Variants in CDH13 observed in about 807,000 individuals in gnomAD.
The protein encoded by CDH13 is cadherin 13.
A neutral mutation model predicts 63.8 loss-of-function variants in CDH13; 24 were observed. The observed-to-expected ratio is 0.38, with a 90% CI of 0.27 to 0.53. The LOEUF is 0.53. CDH13 is among the 20% of genes least tolerant of loss of function. The pLI is 0.85. For missense variants in CDH13, 1,049 were observed against 903.1 expected (o/e 1.16, Z -2.07); for synonymous variants, 503 against 355.3 (o/e 1.42, Z -4.67).
At chr16:83,667,956 C>A (rs915354839) in intron 8 of CDH13, among the ~76,000 whole-genome samples, 1 of 152,166 alleles carries the variant, frequency 6.6e-6, no homozygotes, top group South Asian at 2.1e-4. Flanking sequence ...GAATACCATG[C>A]CCAGCCCCCA....
intron 3 of CDH13, among the ~76,000 whole-genome samples, chr16:83,115,256 G>A (rs923277238): frequency 1.3e-4 from 20 of 152,182 alleles, no homozygotes; most frequent in African/African-American, 4.8e-4. Flanking sequence ...TTAACTTCAG[G>A]AAAACAGCCA....
At chr16:82,946,470 A>C (rs2072114300) in intron 2 of CDH13, among the ~76,000 whole-genome samples, 1 of 152,218 alleles carries the variant, frequency 6.6e-6, no homozygotes, top group Non-Finnish European at 1.5e-5. Flanking sequence ...CTGTAATCCC[A>C]GCACTTTGTG....
At chr16:83,259,978 T>G (rs1319289816) in intron 5 of CDH13, among the ~76,000 whole-genome samples, 1 of 152,076 alleles carries the variant, frequency 6.6e-6, no homozygotes, top group Non-Finnish European at 1.5e-5. Flanking sequence ...CAAAAATGCT[T>G]CTTACGTGGC....
At position 82,807,087 on chromosome 16, in the gene CDH13, CCT is replaced by C. The variant is rs1491547970; in HGVS notation, c.46-51274_46-51273del. ...ATAAGCTTTTGCAGTTGGGATCATGCCTTTTTTTTTTTTTTTCTTAAGAAAAA... is the reference window on the plus strand; with the variant it reads ...ATAAGCTTTTGCAGTTGGGATCATGCTTTTTTTTTTTTTTCTTAAGAAAAA... On this transcript the variant is annotated intron_variant, in intron 1 of 13. Transcript: ENST00000567109. Among the ~76,000 whole-genome samples the C allele has an allele frequency of 3.0e-4, 40 of 131,870 alleles. No homozygotes were observed. The South Asian group carries it at 3.2e-3, about 10-fold the overall frequency. 86.5% of individuals were successfully genotyped at this position (131,870 alleles called of 152,430 possible).
intron 2 of CDH13, among the ~76,000 whole-genome samples, chr16:82,867,824 A>G (rs1159793300): frequency 6.6e-6 from 1 of 152,196 alleles, no homozygotes; most frequent in Admixed American, 6.5e-5. Flanking sequence ...ATAGTAATAA[A>G]TGGATGAACT....
chr16:82,699,205 T>C (rs1371563502), intron 1 of CDH13, among the ~76,000 whole-genome samples: 4 of 152,194 alleles, frequency 2.6e-5, no homozygotes, highest in African/African-American at 7.2e-5. Context: ...TGGGAACTTA[T>C]GTGATGAAAC....
chr16:83,542,451 G>A (rs1460941713), intron 7 of CDH13, among the ~76,000 whole-genome samples: 2 of 152,150 alleles, frequency 1.3e-5, no homozygotes, highest in East Asian at 1.9e-4. Context: ...AGTATGTCTG[G>A]CATAGGGACC....
At chr16:83,082,328 A>G (rs1269271937) in intron 3 of CDH13, among the ~76,000 whole-genome samples, 1 of 152,136 alleles carries the variant, frequency 6.6e-6, no homozygotes, top group Non-Finnish European at 1.5e-5. Context: ...CTAGTACAGG[A>G]GTTGAACATT....
At chr16:82,841,176 C>T (rs1199989546) in intron 1 of CDH13, among the ~76,000 whole-genome samples, 3 of 152,162 alleles carry the variant, frequency 2.0e-5, no homozygotes, top group Non-Finnish European at 4.4e-5. Flanking sequence ...TCAAAGCTGT[C>T]CCAAATCCAG....
At chr16:83,169,189 T>G (rs968471123) in intron 4 of CDH13, among the ~76,000 whole-genome samples, 1 of 151,998 alleles carries the variant, frequency 6.6e-6, no homozygotes, top group African/African-American at 2.4e-5. Context: ...GGTTTCCTTT[T>G]TTTTTTGAGA....
chr16:83,514,780 A>G (rs2074663337), intron 7 of CDH13, among the ~76,000 whole-genome samples: 1 of 152,208 alleles, frequency 6.6e-6, no homozygotes, highest in Non-Finnish European at 1.5e-5. Context: ...CCAGCAAACA[A>G]CTAGAAGCTA....
At chr16:83,138,179 C>A (rs968655972) in intron 4 of CDH13, among the ~76,000 whole-genome samples, 3 of 152,120 alleles carry the variant, frequency 2.0e-5, no homozygotes, top group Admixed American at 2.0e-4. Context: ...TCAGTTGATG[C>A]CTCTTGAGCA....
chr16:83,509,041 C>G (rs1021443193), intron 7 of CDH13, among the ~76,000 whole-genome samples: 2 of 152,222 alleles, frequency 1.3e-5, no homozygotes, highest in African/African-American at 2.4e-5. Context: ...CAGAAACCCT[C>G]TGCCCTCCCT....
chr16:82,722,382 A>T (rs553688142), intron 1 of CDH13, among the ~76,000 whole-genome samples: 3 of 152,266 alleles, frequency 2.0e-5, no homozygotes, highest in South Asian at 4.1e-4. Context: ...GCAGACTCAG[A>T]TCTGTAGCCT....
intron 5 of CDH13, among the ~76,000 whole-genome samples, chr16:83,329,900 A>G (rs569930843): frequency 6.6e-6 from 1 of 152,290 alleles, no homozygotes; most frequent in African/African-American, 2.4e-5. Flanking sequence ...GAATGAATAT[A>G]CCACATTTTG....
At chr16:82,936,065 C>G (rs1238772032) in intron 2 of CDH13, among the ~76,000 whole-genome samples, 1 of 152,010 alleles carries the variant, frequency 6.6e-6, no homozygotes, top group Admixed American at 6.6e-5. Flanking sequence ...TGCAAATGGG[C>G]TTTCCAGTTG....
At chr16:83,742,773 G>T (rs1345844101) in intron 10 of CDH13, among the ~76,000 whole-genome samples, 1 of 152,178 alleles carries the variant, frequency 6.6e-6, no homozygotes. Flanking sequence ...ATGTTACATG[G>T]GTGCTCAGCA....
intron 6 of CDH13, among the ~76,000 whole-genome samples, chr16:83,471,661 A>C (rs980488833): frequency 6.6e-6 from 1 of 152,128 alleles, no homozygotes; most frequent in Non-Finnish European, 1.5e-5. Flanking sequence ...CAGCCTCCCC[A>C]GTGAGTAAAC....
chr16:83,189,559 T>C (rs562641524), intron 4 of CDH13, among the ~76,000 whole-genome samples: 6 of 152,156 alleles, frequency 3.9e-5, no homozygotes, highest in African/African-American at 9.7e-5. Flanking sequence ...TTGACTCCCA[T>C]AGTCAGGAAA....
Sources: gnomAD v4.1 joint callset for allele counts (sites outside exome capture counted in the v4.1 genomes callset) on GRCh38, gnomAD v4.1.1 for gene constraint, MANE v1.5 for transcripts, NCBI Gene and HGNC (gene_info 2026-07-23, HGNC 2026-07-21) for gene names.